The following SAMHD1 variants were observed in gnomAD, a reference collection of about 807,000 sequenced individuals.
SAMHD1 encodes the protein SAM and HD domain containing deoxynucleoside triphosphate triphosphohydrolase 1.
SAMHD1 carries 54 observed loss-of-function variants against 79.6 expected under a neutral mutation model. That is an observed-to-expected ratio of 0.68 (90% CI 0.55 to 0.85). SAMHD1 has a LOEUF of 0.85. Among genes scored for constraint, SAMHD1 ranks in the 40% least tolerant of loss-of-function variants. The pLI is 0.00. For missense variants in SAMHD1, 663 were observed against 782.7 expected (o/e 0.85, Z 1.82); for synonymous variants, 260 against 264.1 (o/e 0.98, Z 0.15).
intron 15 of SAMHD1, among the ~76,000 whole-genome samples, chr20:36,895,990 G>A (rs926042455): frequency 1.4e-4 from 21 of 152,142 alleles, no homozygotes; most frequent in Admixed American, 1.1e-3. Context: ...GATATTTAAA[G>A]TATAAAGGAG....
chr20:36,928,684 C>CG (rs763436288), intron 5 of SAMHD1, among the ~76,000 whole-genome samples: 10 of 128,060 alleles, frequency 7.8e-5, no homozygotes, highest in Non-Finnish European at 1.5e-4. Context: ...GATTCTGTCT[C>CG]GGGAAAAAAA....
intron 11 of SAMHD1, among the ~76,000 whole-genome samples, chr20:36,909,982 T>G (rs2063427556): frequency 1.3e-5 from 2 of 151,948 alleles, no homozygotes; most frequent in Admixed American, 6.6e-5. Context: ...CCCAGCACTT[T>G]CGGAGGCTGA....
At chr20:36,939,321 G>T (rs1401711894) in intron 3 of SAMHD1, among the ~76,000 whole-genome samples, 1 of 150,628 alleles carries the variant, frequency 6.6e-6, no homozygotes, top group African/African-American at 2.4e-5. Context: ...GGCCAGACGT[G>T]TTGGCTCATG....
chr20:36,903,258 G>A (rs1002650213), intron 13 of SAMHD1, among the ~76,000 whole-genome samples: 1 of 152,142 alleles, frequency 6.6e-6, no homozygotes, highest in African/African-American at 2.4e-5. Flanking sequence ...GGCCTGAGGT[G>A]CAGTGCTGTC....
At chr20:36,943,249 T>C (rs1205969979) in intron 2 of SAMHD1, among the ~76,000 whole-genome samples, 2 of 152,194 alleles carry the variant, frequency 1.3e-5, no homozygotes, top group African/African-American at 4.8e-5. Flanking sequence ...ACTGGCAACC[T>C]GTAAGGCAGC....
chr20:36,947,424 G>C (rs201391218), intron 1 of SAMHD1, among the ~76,000 whole-genome samples: 1 of 103,338 alleles, frequency 9.7e-6, no homozygotes, highest in Non-Finnish European at 1.9e-5. Flanking sequence ...GTGTGTGTGT[G>C]TGTGTGTGTG....
chr20:36,902,670 T>C (rs1990326567), intron 13 of SAMHD1, among the ~76,000 whole-genome samples: 1 of 152,100 alleles, frequency 6.6e-6, no homozygotes, highest in South Asian at 2.1e-4. Context: ...GCTAGGTAGA[T>C]GCAAAGAAGG....
At chr20:36,898,869 AC>A (rs1432412665) in intron 13 of SAMHD1, among the ~76,000 whole-genome samples, 39 of 144,548 alleles carry the variant, frequency 2.7e-4, no homozygotes, top group African/African-American at 1.0e-3. Context: ...CCGAGATCGC[AC>A]CACTGCACTC....
At chr20:36,906,695 T>G (rs186533088) in intron 11 of SAMHD1, among the ~76,000 whole-genome samples, 1 of 152,308 alleles carries the variant, frequency 6.6e-6, no homozygotes, top group African/African-American at 2.4e-5. Flanking sequence ...TTCTCCCAAT[T>G]TTTATTTTGA....
chr20:36,936,384 A>C (rs949588394), intron 3 of SAMHD1, among the ~76,000 whole-genome samples: 4 of 152,148 alleles, frequency 2.6e-5, no homozygotes, highest in African/African-American at 7.2e-5. Flanking sequence ...TCACAGGCAC[A>C]ATCATAGCTT....
chr20:36,912,179 T>G (rs2063444594), intron 10 of SAMHD1: 1 of 434,574 alleles, frequency 2.3e-6, no homozygotes, highest in Non-Finnish European at 4.3e-6. Flanking sequence ...AGGTCCTGAG[T>G]GATCTCAGCA....
chr20:36,915,419 T>C (rs1568768757), intron 9 of SAMHD1, among the ~76,000 whole-genome samples: 1 of 152,112 alleles, frequency 6.6e-6, no homozygotes, highest in African/African-American at 2.4e-5. Flanking sequence ...AGAAGGCTAT[T>C]TAGTTAAGTT....
At chr20:36,926,758 A>G (rs939857180) in intron 6 of SAMHD1, among the ~76,000 whole-genome samples, 1 of 152,220 alleles carries the variant, frequency 6.6e-6, no homozygotes, top group African/African-American at 2.4e-5. Flanking sequence ...TAATTTTAAA[A>G]TGATTCATTT....
At chr20:36,920,958 C>A (rs1215573358) in intron 6 of SAMHD1, among the ~76,000 whole-genome samples, 2 of 151,550 alleles carry the variant, frequency 1.3e-5, no homozygotes, top group Non-Finnish European at 2.9e-5. Flanking sequence ...TAGTGACATG[C>A]GCCTGTGGTC....
chr20:36,938,270 G>A (rs915221372), intron 3 of SAMHD1, among the ~76,000 whole-genome samples: 6 of 152,174 alleles, frequency 3.9e-5, no homozygotes, highest in Admixed American at 3.9e-4. Context: ...GGCTGGGCAC[G>A]GTGGCTCATG....
In SAMHD1 at chr20:36,919,397, T is replaced by C; in HGVS notation, c.819A>G (p.Val273=). ...CTTCGACAGGTGATTCAAGTGGTCC[T>C]ACAATTTGTTCCTTTATAAAGCAAA... The part of the protein sequence containing the change: ...EDICFIKEQI[V]GPLESPVEDS... The change falls in exon 7 of 16, where the codon GTA becomes GTG. Residue 273 remains valine, a synonymous_variant. Transcript: ENST00000646673. 6.2e-7 allele frequency: 1 copy of C among 1,613,712 alleles called. No individual in the cohort carries two copies. The highest frequency in any genetic ancestry group is 8.5e-7 in the Non-Finnish European group (1 of 1,179,746).
intron 7 of SAMHD1, among the ~76,000 whole-genome samples, chr20:36,918,195 C>T (rs2063486416): frequency 6.6e-6 from 1 of 151,832 alleles, no homozygotes; most frequent in African/African-American, 2.4e-5. Context: ...AAGTGATCCT[C>T]CCATCATGGC....
rs1361262292 is a variant in SAMHD1 at position 36,892,854 on chromosome 20, A to C, written c.*78T>G. 2.6e-6 allele frequency: 4 copies of C among 1,566,314 alleles called. No individual in the cohort carries two copies. The East Asian group carries it at 9.0e-5, about 35-fold the overall frequency. ...AAAATTAAAGCATGAGTTGTCATTA[A>C]TTTGCAGAATTCTATGATTGAAGCC... On this transcript the variant is annotated 3_prime_UTR_variant, in exon 16 of 16. Coordinates refer to ENST00000646673, the MANE Select transcript of SAMHD1 (RefSeq NM_015474.4).
intron 1 of SAMHD1, among the ~76,000 whole-genome samples, chr20:36,950,082 G>A (rs562807058): frequency 2.0e-5 from 3 of 151,870 alleles, no homozygotes; most frequent in African/African-American, 7.2e-5. Context: ...ATGAGCAATT[G>A]GGAACAGTTG....
Sources: gnomAD v4.1 joint callset for allele counts (sites outside exome capture counted in the v4.1 genomes callset) on GRCh38, gnomAD v4.1.1 for gene constraint, MANE v1.5 for transcripts, NCBI Gene and HGNC (gene_info 2026-07-23, HGNC 2026-07-21) for gene names.